The following SDR42E2 variants were observed in gnomAD, a reference collection of about 807,000 sequenced individuals.
SDR42E2 encodes the protein putative short-chain dehydrogenase/reductase family 42E member 2.
In SDR42E2, 20 loss-of-function variants were observed where a neutral mutation model predicts 10.5. That is an observed-to-expected ratio of 1.90 (90% CI 1.34 to 2.77). The LOEUF (loss-of-function observed/expected upper bound fraction) is 2.77, where lower values mean the gene tolerates loss of function less well. Among genes scored for constraint, SDR42E2 ranks in the 30% most tolerant of loss-of-function variants. The pLI, the probability that SDR42E2 is intolerant of heterozygous loss-of-function variation, is 0.00. For missense variants in SDR42E2, 162 were observed against 104.2 expected (o/e 1.55, Z -2.42); for synonymous variants, 72 against 39.2 (o/e 1.84, Z -3.12).
chr16:22,172,517 C>G (rs1368010174), intron 7 of SDR42E2, among the ~76,000 whole-genome samples, 186 bp downstream of exon 7: 2 of 152,212 alleles, frequency 1.3e-5, no homozygotes, highest in Non-Finnish European at 2.9e-5. Flanking sequence ...TGCACCCCAC[C>G]AGGGATACAG....
intron 12 of SDR42E2, among the ~76,000 whole-genome samples, chr16:22,189,257 A>G (rs924644386): frequency 5.3e-5 from 8 of 152,128 alleles, no homozygotes; most frequent in African/African-American, 1.9e-4. Flanking sequence ...CAGCTGGTGG[A>G]TTCTTCCCCA....
intron 7 of SDR42E2, 122 bp from the exon 8 acceptor site, chr16:22,178,008 C>CTGGGCCGGTCTTCCCCTCTAGCCTG: frequency 1.7e-6 from 1 of 592,038 alleles, no homozygotes; most frequent in Non-Finnish European, 3.0e-6. Flanking sequence ...GAGGAAGCCC[C>CTGGGCCGGTCTTCCCCTCTAGCCTG]TGGGCCGGTC....
In SDR42E2 at chr16:22,168,262, T is replaced by TTTTA. The variant is rs1283367904; in HGVS notation, c.337-1167_337-1164dup. Among the ~76,000 whole-genome samples, 142 of 151,810 alleles carry TTTTA rather than the reference T, an allele frequency of 9.4e-4. 1 individual carries two copies. The highest frequency in any genetic ancestry group is 3.3e-3 in the African/African-American group (137 of 41,422). ...AAATAATAAAAGTAAATTTTATTAT[T>TTTTA]TTTATTTATTTATTTATTTTTGAGA... On this transcript the variant is annotated intron_variant, in intron 4 of 12. Coordinates refer to ENST00000602312, the MANE Select transcript of SDR42E2 (RefSeq NM_001394319.2).
intron 8 of SDR42E2, among the ~76,000 whole-genome samples, chr16:22,180,878 G>C (rs2046687472): frequency 6.6e-6 from 1 of 152,176 alleles, no homozygotes; most frequent in Non-Finnish European, 1.5e-5. Context: ...ATGGTGGTTT[G>C]TGCCTGTAAT....
At chr16:22,182,022 C>T (rs937661724) in intron 9 of SDR42E2, among the ~76,000 whole-genome samples, 190 bp from the exon 10 acceptor site, 10 of 152,204 alleles carry the variant, frequency 6.6e-5, no homozygotes, top group South Asian at 4.1e-4. Flanking sequence ...GGTTAAGCAA[C>T]TCCATGGAGG....
At chr16:22,174,436 A>G (rs1047794454) in intron 7 of SDR42E2, among the ~76,000 whole-genome samples, 1 of 152,004 alleles carries the variant, frequency 6.6e-6, no homozygotes, top group African/African-American at 2.4e-5. Flanking sequence ...TGGGATTTGA[A>G]CCCCAGGAGA....
At chr16:22,164,982 G>A (rs1014986666) in intron 1 of SDR42E2, among the ~76,000 whole-genome samples, 1 of 152,198 alleles carries the variant, frequency 6.6e-6, no homozygotes, top group African/African-American at 2.4e-5. Context: ...GTTACACAGC[G>A]TGACTTTGGG....
chr16:22,174,849 C>G (rs1001856238), intron 7 of SDR42E2, among the ~76,000 whole-genome samples: 2 of 152,050 alleles, frequency 1.3e-5, no homozygotes, highest in African/African-American at 4.8e-5. Flanking sequence ...AACCCGACCT[C>G]CCCCCACTAT....
Position 22,191,696 on chromosome 16 carries a change from C to A in SDR42E2, c.*1303C>A, listed in dbSNP as rs1018627148. 82 of 151,184 alleles carry A rather than the reference C, an allele frequency of 5.4e-4. No individual in the cohort carries two copies. Among genetic ancestry groups the A allele is most frequent in the African/African-American group, 1.9e-3 (77 of 41,186 alleles). 9.4% of individuals were successfully genotyped at this position (151,184 alleles called of 1,614,324 possible). Reference sequence around the variant, plus strand: ...AGCATGAAAAATTTAAAAAAAAAAACTCTTAAAATAATTGGATGTCTCGAT... The same window carrying A: ...AGCATGAAAAATTTAAAAAAAAAAAATCTTAAAATAATTGGATGTCTCGAT... On this transcript the variant is annotated 3_prime_UTR_variant, in exon 13 of 13. Transcript: ENST00000602312.
intron 6 of SDR42E2, among the ~76,000 whole-genome samples, chr16:22,172,022 C>A (rs543915996): frequency 6.6e-6 from 1 of 152,328 alleles, no homozygotes; most frequent in African/African-American, 2.4e-5. Context: ...CTCCCTGAGT[C>A]GGCTGCCCCT....
chr16:22,173,903 G>GTATA (rs146432754), intron 7 of SDR42E2, among the ~76,000 whole-genome samples: 2,503 of 112,670 alleles, frequency 0.022, 117 homozygotes, highest in African/African-American at 0.075. Flanking sequence ...ATATGTGTGT[G>GTATA]TGTATATATA....
chr16:22,170,131 G>C (rs2046583766), intron 5 of SDR42E2, among the ~76,000 whole-genome samples: 1 of 152,060 alleles, frequency 6.6e-6, no homozygotes. Context: ...GAGGCAGGTG[G>C]ATCACCTGAG....
intron 10 of SDR42E2, among the ~76,000 whole-genome samples, chr16:22,182,659 C>T (rs775979845): frequency 3.3e-5 from 5 of 152,134 alleles, no homozygotes; most frequent in Non-Finnish European, 7.4e-5. Flanking sequence ...GCGGCCTTCT[C>T]TTCTTGTCCT....
intron 6 of SDR42E2, among the ~76,000 whole-genome samples, chr16:22,172,046 G>T (rs2046605837): frequency 6.6e-6 from 1 of 152,154 alleles, no homozygotes; most frequent in Admixed American, 6.5e-5. Flanking sequence ...CATTGTTACT[G>T]CTCCGAACCC....
chr16:22,167,762 T>A (rs1445806625), intron 4 of SDR42E2, among the ~76,000 whole-genome samples: 4 of 152,304 alleles, frequency 2.6e-5, no homozygotes. Flanking sequence ...TCAAATTCTA[T>A]GCAGCCATTC....
intron 12 of SDR42E2, among the ~76,000 whole-genome samples, chr16:22,189,452 A>C (rs1484555733): frequency 6.6e-6 from 1 of 152,192 alleles, no homozygotes; most frequent in African/African-American, 2.4e-5. Flanking sequence ...ACCACCTGAG[A>C]GGATTAAATG....
chr16:22,175,942 G>A (rs986560920), intron 7 of SDR42E2, among the ~76,000 whole-genome samples: 1 of 151,362 alleles, frequency 6.6e-6, no homozygotes, highest in Non-Finnish European at 1.5e-5. Context: ...GCAGTGAGCC[G>A]AGATCGTGCC....
In SDR42E2 at chr16:22,190,498, G is replaced by C; in HGVS notation, c.*105G>C. 2.5e-6 allele frequency: 1 copy of C among 399,188 alleles called. No homozygotes were observed. The highest frequency in any genetic ancestry group is 4.4e-6 in the Non-Finnish European group (1 of 226,310). The allele number at this position is 399,188 out of a possible 1,614,324, so 24.7% of individuals were successfully genotyped here. A position where few individuals can be genotyped will look rare whatever the true frequency, so the allele number is the denominator to read the frequency against. On this transcript the variant is annotated 3_prime_UTR_variant, in exon 13 of 13. Transcript: ENST00000602312. ...CCTGCCCCGCCTTCTGGGTTTGAGC[G>C]CGCCTCCGCTCCGCCCCTTGAATCC...
intron 8 of SDR42E2, among the ~76,000 whole-genome samples, chr16:22,179,827 AAAAG>A (rs1667585009): frequency 6.6e-6 from 1 of 151,686 alleles, no homozygotes; most frequent in Non-Finnish European, 1.5e-5. Flanking sequence ...AAAAAAAAAA[AAAAG>A]AAGATTCCAG....
Sources: allele counts gnomAD v4.1 joint callset (sites outside exome capture counted in the v4.1 genomes callset), GRCh38; gene constraint gnomAD v4.1.1; transcripts MANE v1.5; gene names NCBI Gene and HGNC (gene_info 2026-07-23, HGNC 2026-07-21).